The following RORA variants were observed in gnomAD, a reference collection of about 807,000 sequenced individuals.
RORA encodes the protein nuclear receptor ROR-alpha.
In RORA, 7 loss-of-function variants were observed where a neutral mutation model predicts 69.5. The ratio of observed to expected loss-of-function variants is 0.10; its 90% CI spans 0.06 to 0.19. The LOEUF (loss-of-function observed/expected upper bound fraction) is 0.19. RORA is among the 10% of genes least tolerant of loss of function. The probability of loss-of-function intolerance (pLI) is 1.00; values close to 1 mark genes in which losing one functional copy is unlikely to be tolerated. For missense variants in RORA, 457 were observed against 663.0 expected (o/e 0.69, Z 3.41); for synonymous variants, 261 against 240.8 (o/e 1.08, Z -0.78).
chr15:60,839,965 G>C (rs572200356), intron 1 of RORA, among the ~76,000 whole-genome samples: 1 of 152,180 alleles, frequency 6.6e-6, no homozygotes, highest in South Asian at 2.1e-4. Context: ...GGCAGATGCC[G>C]AGACTGGAGG....
intron 1 of RORA, among the ~76,000 whole-genome samples, chr15:61,077,164 T>C (rs1017629851): frequency 6.0e-5 from 9 of 150,768 alleles, no homozygotes; most frequent in Admixed American, 1.3e-4. Flanking sequence ...GTTAAAGTAA[T>C]ATTTAATCGT....
chr15:60,809,654 C>A (rs977838398), intron 1 of RORA, among the ~76,000 whole-genome samples: 3 of 152,040 alleles, frequency 2.0e-5, no homozygotes, highest in African/African-American at 7.2e-5. Flanking sequence ...TGTTCCCCAT[C>A]CTGCCAATTG....
chr15:60,569,261 TAAA>T (rs60382168), intron 2 of RORA, among the ~76,000 whole-genome samples: 46 of 89,626 alleles, frequency 5.1e-4, no homozygotes, highest in East Asian at 2.4e-3. Flanking sequence ...TTTAAAAAAT[TAAA>T]AAAAAAAAAA....
chr15:60,645,800 T>G (rs1290609569), intron 2 of RORA, among the ~76,000 whole-genome samples: 3 of 137,130 alleles, frequency 2.2e-5, no homozygotes, highest in South Asian at 2.2e-4. Flanking sequence ...AAATAGGGTT[T>G]TTTTTTTTTT....
intron 1 of RORA, among the ~76,000 whole-genome samples, chr15:60,870,647 C>T (rs1277564711): frequency 1.3e-5 from 2 of 152,204 alleles, no homozygotes; most frequent in African/African-American, 4.8e-5. Flanking sequence ...AACACTTTTG[C>T]ACAGAAACCT....
intron 2 of RORA, among the ~76,000 whole-genome samples, chr15:60,549,658 G>C (rs865907864): frequency 1.3e-5 from 2 of 152,132 alleles, no homozygotes; most frequent in African/African-American, 4.8e-5. Flanking sequence ...GGGAGGATCT[G>C]GTGATACTCA....
chr15:60,860,552 A>C (rs549775473), intron 1 of RORA, among the ~76,000 whole-genome samples: 1 of 152,220 alleles, frequency 6.6e-6, no homozygotes, highest in Non-Finnish European at 1.5e-5. Flanking sequence ...CAACAGCCTA[A>C]GCAAAGCCTA....
intron 1 of RORA, among the ~76,000 whole-genome samples, chr15:60,916,662 T>C (rs553861498): frequency 2.0e-5 from 3 of 152,298 alleles, no homozygotes; most frequent in Admixed American, 6.5e-5. Context: ...TCACATTCAA[T>C]TAAATCAGAA....
intron 1 of RORA, among the ~76,000 whole-genome samples, chr15:60,699,563 T>C (rs2140788828): frequency 6.6e-6 from 1 of 152,344 alleles, no homozygotes; most frequent in Admixed American, 6.5e-5. Context: ...TCACCTCTTC[T>C]TTAGAAAATA....
At chr15:61,140,199 C>T (rs1403891684) in intron 1 of RORA, among the ~76,000 whole-genome samples, 1 of 152,152 alleles carries the variant, frequency 6.6e-6, no homozygotes, top group Non-Finnish European at 1.5e-5. Context: ...AAGAAAAGTT[C>T]GTTCTGTCTT....
rs188587853 is a variant in RORA at position 61,210,069 on chromosome 15, G to C, written c.166+18984C>G. Among the ~76,000 whole-genome samples the C allele has an allele frequency of 3.8e-4, 58 of 152,278 alleles. No homozygotes were observed. The East Asian group carries it at 0.011, about 29-fold the overall frequency. ...CTTTTCAGGTCTCTGTGTGTACAGGGGCCAGTTGGACAGATGCTCCCGGGA... is the reference window on the plus strand; with the variant it reads ...CTTTTCAGGTCTCTGTGTGTACAGGCGCCAGTTGGACAGATGCTCCCGGGA... On this transcript the variant is annotated intron_variant, in intron 1 of 10. Coordinates refer to ENST00000335670, the MANE Select transcript of RORA (RefSeq NM_134261.3).
chr15:60,623,637 G>A (rs1169348463), intron 2 of RORA, among the ~76,000 whole-genome samples: 1 of 152,044 alleles, frequency 6.6e-6, no homozygotes, highest in Non-Finnish European at 1.5e-5. Flanking sequence ...CCAGGCTGTT[G>A]CCCATAACAT....
chr15:60,854,149 C>G (rs2073356178), intron 1 of RORA, among the ~76,000 whole-genome samples: 1 of 152,040 alleles, frequency 6.6e-6, no homozygotes, highest in African/African-American at 2.4e-5. Flanking sequence ...GTAGGCCCAG[C>G]TACTTGGGAG....
At chr15:60,869,011 T>G (rs1324808444) in intron 1 of RORA, among the ~76,000 whole-genome samples, 2 of 152,108 alleles carry the variant, frequency 1.3e-5, no homozygotes, top group Non-Finnish European at 2.9e-5. Context: ...ATGTTCCAGT[T>G]TTATTACCAT....
intron 2 of RORA, among the ~76,000 whole-genome samples, chr15:60,578,846 C>T (rs901192142): frequency 7.3e-5 from 11 of 151,244 alleles, no homozygotes; most frequent in African/African-American, 2.7e-4. Flanking sequence ...TCACTGCAAG[C>T]TCCACCTCCC....
At chr15:60,744,003 A>C (rs1291100212) in intron 1 of RORA, among the ~76,000 whole-genome samples, 1 of 151,984 alleles carries the variant, frequency 6.6e-6, no homozygotes, top group Non-Finnish European at 1.5e-5. Context: ...GAAATGCTAG[A>C]TCTGTAAGAT....
chr15:61,032,155 A>G (rs1896204867), intron 1 of RORA, among the ~76,000 whole-genome samples: 1 of 152,346 alleles, frequency 6.6e-6, no homozygotes, highest in Non-Finnish European at 1.5e-5. Flanking sequence ...TTACATGCAG[A>G]GTACTTGAAA....
At chr15:60,576,564 A>G (rs1443926256) in intron 2 of RORA, among the ~76,000 whole-genome samples, 2 of 152,240 alleles carry the variant, frequency 1.3e-5, no homozygotes, top group Non-Finnish European at 2.9e-5. Context: ...TTTTCACAAG[A>G]AATTTCAGGG....
At chr15:60,628,111 A>G (rs186277853) in intron 2 of RORA, among the ~76,000 whole-genome samples, 39 of 152,302 alleles carry the variant, frequency 2.6e-4, no homozygotes, top group Admixed American at 2.6e-3. Flanking sequence ...TAAGGAATCA[A>G]CATTGGTATG....
Sources: allele counts gnomAD v4.1 joint callset (sites outside exome capture counted in the v4.1 genomes callset), GRCh38; gene constraint gnomAD v4.1.1; transcripts MANE v1.5; gene names NCBI Gene and HGNC (gene_info 2026-07-23, HGNC 2026-07-21).